LRRIQ3: variants seen among roughly 807,000 people sequenced by gnomAD.
LRRIQ3 encodes leucine-rich repeat and IQ domain-containing protein 3.
In LRRIQ3, 75 loss-of-function variants were observed where a neutral mutation model predicts 59.3. The observed-to-expected ratio is 1.26, with a 90% CI of 1.05 to 1.53. The LOEUF (loss-of-function observed/expected upper bound fraction) is 1.53, where lower values mean the gene tolerates loss of function less well. Among genes scored for constraint, LRRIQ3 ranks in the 40% most tolerant of loss-of-function variants. LRRIQ3 has a pLI of 0.00. For synonymous variants in LRRIQ3, 250 were observed against 231.3 expected, an observed-to-expected ratio of 1.08 and a Z score of -0.73; for missense variants, 831 against 710.0, an observed-to-expected ratio of 1.17 and a Z score of -1.94.
At chr1:74,133,546 G>A (rs1250808634) in intron 4 of LRRIQ3, among the ~76,000 whole-genome samples, 1 of 152,076 alleles carries the variant, frequency 6.6e-6, no homozygotes, top group African/African-American at 2.4e-5. Context: ...AAAATGATGA[G>A]TTCATGTCCT....
At position 74,026,829 on chromosome 1, in the gene LRRIQ3, T is replaced by C. The variant is rs773709030; in HGVS notation, c.1859A>G (p.Asn620Ser). ...VKTNLDFKVP[N>S]GLIK ...GGCATTGATTCATTTTATCAGTCCA[T>C]TGGGAACTTTAAAGTCTAAATTTGT... Residue 620 changes from asparagine to serine, a missense_variant, in exon 8 of 8, where the codon AAT (asparagine) becomes AGT (serine). Physicochemically the swap from Asn to Ser is conservative, Grantham distance 46 (BLOSUM62 1). Transcript: ENST00000354431. The C allele has an allele frequency of 5.0e-6, 8 of 1,606,982 alleles. No individual in the cohort carries two copies. In the Admixed American group the frequency reaches 5.1e-5, roughly 10 times the overall value.
At position 74,101,993 on chromosome 1, in the gene LRRIQ3, G is replaced by A. The variant is rs537130139; in HGVS notation, c.867+7401C>T. 1.2e-4 allele frequency among the ~76,000 whole-genome samples: 18 copies of A among 151,720 alleles called. No homozygotes were observed. The South Asian group carries it at 3.5e-3, about 30-fold the overall frequency. On this transcript the variant is annotated intron_variant, in intron 5 of 7. Transcript: ENST00000354431. ...TTAATGGGTGCAGCACACCAACATG[G>A]CACATGTATACATATGTAACAAACC...
At chr1:74,035,379 T>C (rs1183803191) in intron 7 of LRRIQ3, among the ~76,000 whole-genome samples, 9 of 152,140 alleles carry the variant, frequency 5.9e-5, no homozygotes, top group Admixed American at 6.6e-5. Context: ...ATGATATCTT[T>C]GGCATGTGCT....
chr1:74,195,276 G>T (rs574832253), intron 1 of LRRIQ3, among the ~76,000 whole-genome samples: 1 of 152,156 alleles, frequency 6.6e-6, no homozygotes, highest in African/African-American at 2.4e-5. Flanking sequence ...GAAGCACAAG[G>T]ACTGGAAACA....
At chr1:74,195,442 T>C (rs1300814273) in intron 1 of LRRIQ3, among the ~76,000 whole-genome samples, 1 of 152,202 alleles carries the variant, frequency 6.6e-6, no homozygotes, top group Non-Finnish European at 1.5e-5. Context: ...GTCATAGTTA[T>C]ATGCCTGTAG....
intron 4 of LRRIQ3, among the ~76,000 whole-genome samples, chr1:74,130,649 A>T (rs995696052): frequency 3.3e-5 from 5 of 152,112 alleles, no homozygotes; most frequent in African/African-American, 4.8e-5. Context: ...GTGCTTCTGC[A>T]AGGAGGATGA....
At chr1:74,042,717 A>G (rs1006893331) in intron 6 of LRRIQ3, among the ~76,000 whole-genome samples, 3 of 152,100 alleles carry the variant, frequency 2.0e-5, no homozygotes, top group Non-Finnish European at 2.9e-5. Context: ...GCAGCCATCA[A>G]TCGTTTTTCC....
chr1:74,123,433 G>T (rs1332541185), intron 4 of LRRIQ3, among the ~76,000 whole-genome samples: 2 of 151,078 alleles, frequency 1.3e-5, no homozygotes, highest in Admixed American at 6.6e-5. Context: ...CCCATTAACT[G>T]TCCCCATTCC....
At chr1:74,044,305 G>C (rs1163001848) in intron 6 of LRRIQ3, among the ~76,000 whole-genome samples, 1 of 152,072 alleles carries the variant, frequency 6.6e-6, no homozygotes, top group East Asian at 1.9e-4. Context: ...CCTAGTGAGA[G>C]GTGTTTGGGA....
At chr1:74,127,027 T>A (rs1269322078) in intron 4 of LRRIQ3, among the ~76,000 whole-genome samples, 1 of 151,936 alleles carries the variant, frequency 6.6e-6, no homozygotes, top group Non-Finnish European at 1.5e-5. Flanking sequence ...TATATTTGGG[T>A]GCTCCAGTGT....
At chr1:74,063,462 A>G (rs1018660683) in intron 6 of LRRIQ3, among the ~76,000 whole-genome samples, 1 of 152,104 alleles carries the variant, frequency 6.6e-6, no homozygotes, top group Non-Finnish European at 1.5e-5. Context: ...CATTCATTGA[A>G]TCCTTTATTC....
chr1:74,103,601 T>C (rs1230201683), intron 5 of LRRIQ3, among the ~76,000 whole-genome samples: 2 of 151,962 alleles, frequency 1.3e-5, no homozygotes, highest in East Asian at 3.9e-4. Context: ...CTTAAACATA[T>C]TTTTTAGCAT....
intron 4 of LRRIQ3, among the ~76,000 whole-genome samples, chr1:74,126,351 T>C (rs2100598497): frequency 6.6e-6 from 1 of 151,950 alleles, no homozygotes; most frequent in Middle Eastern, 3.4e-3. Flanking sequence ...TCAATTTCAT[T>C]TATTTCTGCT....
At chr1:74,193,001 T>C (rs181654497) in intron 1 of LRRIQ3, among the ~76,000 whole-genome samples, 2 of 152,236 alleles carry the variant, frequency 1.3e-5, no homozygotes, top group East Asian at 3.9e-4. Flanking sequence ...AATCATATCA[T>C]TGCAGCTATG....
chr1:74,072,582 A>G (rs1193604322), intron 6 of LRRIQ3, among the ~76,000 whole-genome samples: 1 of 152,050 alleles, frequency 6.6e-6, no homozygotes, highest in Non-Finnish European at 1.5e-5. Flanking sequence ...AAAGAAGAAA[A>G]AATAATCAGT....
At chr1:74,079,426 T>A (rs374526466) in intron 5 of LRRIQ3, among the ~76,000 whole-genome samples, 1 of 151,864 alleles carries the variant, frequency 6.6e-6, no homozygotes, top group East Asian at 1.9e-4. Flanking sequence ...CATGGCTAGC[T>A]CCTTTTCCTT....
chr1:74,069,489 A>G (rs533991374), intron 6 of LRRIQ3, among the ~76,000 whole-genome samples: 12 of 142,240 alleles, frequency 8.4e-5, no homozygotes, highest in Non-Finnish European at 1.8e-4. Flanking sequence ...AGAGAAAAAT[A>G]AAAAAAATTG....
At chr1:74,054,630 G>A (rs1654466978) in intron 6 of LRRIQ3, among the ~76,000 whole-genome samples, 4 of 151,502 alleles carry the variant, frequency 2.6e-5, no homozygotes, top group East Asian at 1.9e-4. Flanking sequence ...GAGGTTCTGC[G>A]TATATTGAAA....
Position 74,183,498 on chromosome 1 carries a change from T to C in LRRIQ3, c.187A>G (p.Thr63Ala), listed in dbSNP as rs756419637. The change falls in exon 2 of 8, where the codon ACA becomes GCA. Residue 63 changes from threonine (T) to alanine (A), a missense_variant. By Grantham distance (58) the Thr-to-Ala change is moderately conservative (BLOSUM62 0). Coordinates refer to ENST00000354431, the MANE Select transcript of LRRIQ3 (RefSeq NM_001105659.2). ...CAACTTTGAAGTGGATGAATATCTG[T>C]AATAAAATTGTTTGAGAAGATGCAT... ...RVCIFSNNFI[T>A]DIHPLQSCIK... The C allele has an allele frequency of 5.0e-6, 8 of 1,610,728 alleles. No individual in the cohort carries two copies. In the Admixed American group the frequency reaches 6.7e-5, roughly 13 times the overall value.
Sources: allele counts gnomAD v4.1 joint callset (sites outside exome capture counted in the v4.1 genomes callset), GRCh38; gene constraint gnomAD v4.1.1; transcripts MANE v1.5; gene names NCBI Gene and HGNC (gene_info 2026-07-23, HGNC 2026-07-21).